Variants in SLC39A14 observed in about 807,000 individuals in gnomAD.
The protein encoded by SLC39A14 is metal cation symporter ZIP14.
Under a neutral mutation model 45.5 loss-of-function variants are expected in SLC39A14, and 19 were observed. The observed-to-expected ratio is 0.42, with a 90% CI of 0.29 to 0.61. SLC39A14 has a LOEUF of 0.61. Ranked by LOEUF, SLC39A14 falls within the 20% of genes least tolerant of loss-of-function variation. The pLI is 0.22. For missense variants in SLC39A14, 447 were observed against 616.5 expected (o/e 0.73, Z 2.91); for synonymous variants, 264 against 251.3 (o/e 1.05, Z -0.48).
chr8:22,403,371 C>T (rs1835002237), intron 1 of SLC39A14, among the ~76,000 whole-genome samples: 1 of 151,856 alleles, frequency 6.6e-6, no homozygotes, highest in Non-Finnish European at 1.5e-5. Context: ...CCTCTGCCTC[C>T]CAGGTTCAAG....
At chr8:22,425,010 C>T (rs1373066237), downstream of SLC39A14, among the ~76,000 whole-genome samples, 1 of 113,962 alleles carries the variant, frequency 8.8e-6, no homozygotes, top group African/African-American at 3.5e-5. Context: ...ACCTGGGCAA[C>T]AGAGTGAGAC....
Position 22,421,796 on chromosome 8 carries a change from G to T in SLC39A14, c.*2098G>T, listed in dbSNP as rs144337866. ...GTAGAATACTAAGTTAGAGTTAGTG[G>T]ATTTCTAGTTTAGGAGAGGAGCTCA... is the stretch of plus-strand genomic sequence containing the variant. On this transcript the variant is annotated 3_prime_UTR_variant, in exon 9 of 9. Coordinates refer to ENST00000381237, the MANE Select transcript of SLC39A14 (RefSeq NM_001128431.4). 1 of 983,676 alleles carries T rather than the reference G, an allele frequency of 1.0e-6. No homozygotes were observed. The highest frequency in any genetic ancestry group is 1.2e-6 in the Non-Finnish European group (1 of 828,352). The allele number at this position is 983,676 out of a possible 1,614,324, so 60.9% of individuals were successfully genotyped here.
chr8:22,382,877 C>G (rs538264193), intron 1 of SLC39A14, among the ~76,000 whole-genome samples: 1 of 151,222 alleles, frequency 6.6e-6, no homozygotes, highest in African/African-American at 2.5e-5. Context: ...ACCATGCCCC[C>G]GCTAATTTTT....
intron 2 of SLC39A14, among the ~76,000 whole-genome samples, chr8:22,407,862 C>T (rs989229482): frequency 2.0e-5 from 3 of 151,896 alleles, no homozygotes; most frequent in Non-Finnish European, 2.9e-5. Context: ...AGGTATGTGC[C>T]GCCACACCTC....
At chr8:22,382,221 T>C (rs950791880) in intron 1 of SLC39A14, among the ~76,000 whole-genome samples, 2 of 152,018 alleles carry the variant, frequency 1.3e-5, no homozygotes, top group African/African-American at 2.4e-5. Flanking sequence ...AAAGTAAACC[T>C]AAAACGTTGA....
chr8:22,406,184 C>T (rs896636185), intron 2 of SLC39A14, among the ~76,000 whole-genome samples: 15 of 152,110 alleles, frequency 9.9e-5, no homozygotes, highest in African/African-American at 3.6e-4. Context: ...CACTGTGGCT[C>T]ACGCCTGTAA....
At chr8:22,405,948 G>A (rs1030754093) in intron 2 of SLC39A14, among the ~76,000 whole-genome samples, 2 of 152,200 alleles carry the variant, frequency 1.3e-5, no homozygotes, top group African/African-American at 2.4e-5. Flanking sequence ...TCATATTTAG[G>A]GAGTTGACTG....
Position 22,421,189 on chromosome 8 carries a change from C to CT in SLC39A14, c.*1492dup. On this transcript the variant is annotated 3_prime_UTR_variant, in exon 9 of 9. Coordinates refer to ENST00000381237, the MANE Select transcript of SLC39A14 (RefSeq NM_001128431.4). ...GGAGCCCAGGGGCCATGTTTGCAAACTGATTCATGTGCATGGCTGACAGGA... is the reference window on the plus strand; with the variant it reads ...GGAGCCCAGGGGCCATGTTTGCAAACTTGATTCATGTGCATGGCTGACAGGA... 1.0e-6 allele frequency: 1 copy of CT among 985,850 alleles called. No individual in the cohort carries two copies. Among genetic ancestry groups the CT allele is most frequent in the Non-Finnish European group, 1.2e-6 (1 of 829,936 alleles). The allele number at this position is 985,850 out of a possible 1,614,324, so 61.1% of individuals were successfully genotyped here. A position where few individuals can be genotyped will look rare whatever the true frequency, so the allele number is the denominator to read the frequency against.
intron 1 of SLC39A14, among the ~76,000 whole-genome samples, chr8:22,380,682 T>TG (rs1833456721): frequency 1.3e-5 from 2 of 151,904 alleles, no homozygotes; most frequent in African/African-American, 4.8e-5. Flanking sequence ...CTGTTTTTTT[T>TG]TTTTAACCCC....
At chr8:22,419,027 G>A (rs202122633) in intron 8 of SLC39A14, among the ~76,000 whole-genome samples, 5 of 148,346 alleles carry the variant, frequency 3.4e-5, no homozygotes, top group Non-Finnish European at 3.0e-5. Context: ...TGGAAAAAAG[G>A]AAAAAAAAAA....
intron 1 of SLC39A14, among the ~76,000 whole-genome samples, chr8:22,390,454 C>T (rs1680984428): frequency 6.6e-6 from 1 of 151,958 alleles, no homozygotes; most frequent in Non-Finnish European, 1.5e-5. Context: ...TACAGGCACA[C>T]ACAACCATGC....
At chr8:22,382,670 C>G (rs927662669) in intron 1 of SLC39A14, among the ~76,000 whole-genome samples, 8 of 152,058 alleles carry the variant, frequency 5.3e-5, no homozygotes, top group African/African-American at 1.7e-4. Flanking sequence ...GAGACCCTGA[C>G]TCTATTTAAA....
At chr8:22,378,778 A>G (rs1325748214) in intron 1 of SLC39A14, among the ~76,000 whole-genome samples, 1 of 152,100 alleles carries the variant, frequency 6.6e-6, no homozygotes, top group Non-Finnish European at 1.5e-5. Context: ...TCTCATATTC[A>G]TGGGTCCCGC....
At chr8:22,394,412 C>T (rs1372330676) in intron 1 of SLC39A14, among the ~76,000 whole-genome samples, 4 of 151,118 alleles carry the variant, frequency 2.6e-5, no homozygotes, top group Admixed American at 1.3e-4. Flanking sequence ...CTCCACCTCC[C>T]GAGTTCACGC....
chr8:22,395,994 T>C (rs543196323), intron 1 of SLC39A14, among the ~76,000 whole-genome samples: 256 of 152,304 alleles, frequency 1.7e-3, no homozygotes, highest in Non-Finnish European at 3.1e-3. Context: ...GGTGGGTCTG[T>C]CCTCTATTCA....
intron 8 of SLC39A14, among the ~76,000 whole-genome samples, chr8:22,418,139 G>A (rs1182269402): frequency 6.6e-6 from 1 of 152,186 alleles, no homozygotes; most frequent in Non-Finnish European, 1.5e-5. Flanking sequence ...CCGGCCTCAG[G>A]TGATCCACCC....
chr8:22,415,437 C>G (rs1835813702), intron 5 of SLC39A14: 3 of 244,064 alleles, frequency 1.2e-5, no homozygotes, highest in African/African-American at 2.3e-5. Context: ...TGTCTGACAC[C>G]AGGTCCTTCG....
In SLC39A14 at chr8:22,419,842, A is replaced by C; in HGVS notation, c.*144A>C. 1 of 1,372,694 alleles carries C rather than the reference A, an allele frequency of 7.3e-7. No individual in the cohort carries two copies. Among genetic ancestry groups the C allele is most frequent in the Non-Finnish European group, 9.4e-7 (1 of 1,065,880 alleles). The allele number at this position is 1,372,694 out of a possible 1,614,324, so 85.0% of individuals were successfully genotyped here. On this transcript the variant is annotated 3_prime_UTR_variant, in exon 9 of 9. Coordinates refer to ENST00000381237, the MANE Select transcript of SLC39A14 (RefSeq NM_001128431.4). ...GACTGTATTCCTGCATTCAAATGTC[A>C]GCCGTTTGTAAAATGCTGTATCCTA...
intron 1 of SLC39A14, among the ~76,000 whole-genome samples, chr8:22,377,587 G>A (rs1563483790): frequency 6.6e-6 from 1 of 152,146 alleles, no homozygotes; most frequent in Non-Finnish European, 1.5e-5. Flanking sequence ...ACCTCAAAAA[G>A]TTCGTTTTAT....
Sources: gnomAD v4.1 joint callset for allele counts (sites outside exome capture counted in the v4.1 genomes callset) on GRCh38, gnomAD v4.1.1 for gene constraint, MANE v1.5 for transcripts, NCBI Gene and HGNC (gene_info 2026-07-23, HGNC 2026-07-21) for gene names.